TTC23L: variants seen among roughly 807,000 people sequenced by gnomAD.
The protein encoded by TTC23L is tetratricopeptide repeat domain 23 like, also known as tetratricopeptide repeat protein 23-like.
A neutral mutation model predicts 48.1 loss-of-function variants in TTC23L; 42 were observed. That is an observed-to-expected ratio of 0.87 (90% CI 0.68 to 1.13). The LOEUF (loss-of-function observed/expected upper bound fraction) is 1.13. TTC23L is among the 50% of genes most tolerant of loss of function. TTC23L has a pLI of 0.00. For synonymous variants in TTC23L, 159 were observed against 157.2 expected (o/e 1.01, Z -0.09); for missense variants, 391 against 421.0 (o/e 0.93, Z 0.62).
intron 6 of TTC23L, among the ~76,000 whole-genome samples, chr5:34,864,790 G>A (rs1290262208): frequency 6.6e-6 from 1 of 152,160 alleles, no homozygotes; most frequent in African/African-American, 2.4e-5. Flanking sequence ...AAAGGGGGGT[G>A]GTCAAGGAGA....
intron 1 of TTC23L, chr5:34,839,559 C>G (rs931962170): frequency 2.2e-6 from 2 of 891,452 alleles, no homozygotes; most frequent in African/African-American, 3.6e-5. Flanking sequence ...GATCAGAACT[C>G]TTTGCTGTGG....
the TTC23L span, chr5:34,915,345 C>T: frequency 4.2e-6 from 1 of 240,226 alleles, no homozygotes. Flanking sequence ...CCCAGACAAC[C>T]CCATTCACCA....
chr5:34,888,521 C>G (rs1234935576), intron 9 of TTC23L: 7 of 985,354 alleles, frequency 7.1e-6, no homozygotes, highest in Non-Finnish European at 8.4e-6. Flanking sequence ...AAAGAGCCTC[C>G]TTACCCTGTG....
intron 4 of TTC23L, among the ~76,000 whole-genome samples, chr5:34,858,308 T>G (rs921259115): frequency 6.6e-6 from 1 of 152,230 alleles, no homozygotes; most frequent in Admixed American, 6.5e-5. Context: ...AGAGAGTTTT[T>G]ACATGAAAGA....
the TTC23L span, chr5:34,914,488 G>T: frequency 3.4e-6 from 2 of 583,450 alleles, no homozygotes; most frequent in African/African-American, 1.9e-5. Flanking sequence ...GATGGGAAAA[G>T]AATTTGTTAC....
the TTC23L span, chr5:34,918,281 G>A: frequency 4.3e-6 from 3 of 695,206 alleles, no homozygotes; most frequent in East Asian, 5.8e-5. Flanking sequence ...CTTCAGCCTG[G>A]GCAACAGTGT....
At chr5:34,898,473 G>A (rs1284852411) in intron 10 of TTC23L, among the ~76,000 whole-genome samples, 5 of 152,120 alleles carry the variant, frequency 3.3e-5, no homozygotes, top group East Asian at 3.9e-4. Flanking sequence ...CTTGTGGTGC[G>A]ACAGAAGTAG....
At chr5:34,857,738 C>G (rs182584572) in intron 4 of TTC23L, among the ~76,000 whole-genome samples, 3 of 152,100 alleles carry the variant, frequency 2.0e-5, no homozygotes, top group Non-Finnish European at 4.4e-5. Flanking sequence ...CTTGCGACAA[C>G]TCTACAGGAT....
chr5:34,910,515 C>T, the TTC23L span, among the ~76,000 whole-genome samples: 1 of 151,972 alleles, frequency 6.6e-6, no homozygotes, highest in South Asian at 2.1e-4. Context: ...GCAACCTCCA[C>T]TTCCTGGGTT....
the TTC23L span, chr5:34,914,565 A>T: frequency 1.2e-6 from 1 of 806,692 alleles, no homozygotes; most frequent in Non-Finnish European, 1.9e-6. Context: ...TTTATTTATT[A>T]AGTTATTTAT....
At chr5:34,879,084 A>C (rs1762048027) in intron 8 of TTC23L, among the ~76,000 whole-genome samples, 1 of 152,254 alleles carries the variant, frequency 6.6e-6, no homozygotes, top group African/African-American at 2.4e-5. Context: ...TAAGTGAAAC[A>C]AGCCAGACAC....
Position 34,850,809 on chromosome 5 carries a change from A to AG in TTC23L, c.379+501_379+502insG, listed in dbSNP as rs1293045408. ...TAGAGAAATGGTACTTCTGGAAGGT[A>AG]CTCTAGTATAAGAGAATAAGACAAG... On this transcript the variant is annotated intron_variant, in intron 4 of 10. Transcript: ENST00000505624. 2.0e-5 allele frequency among the ~76,000 whole-genome samples: 3 copies of AG among 152,170 alleles called. No homozygotes were observed. The East Asian group carries it at 5.8e-4, about 29-fold the overall frequency.
intron 9 of TTC23L, among the ~76,000 whole-genome samples, chr5:34,895,275 C>T (rs1010124676): frequency 1.3e-5 from 2 of 152,114 alleles, no homozygotes; most frequent in Non-Finnish European, 2.9e-5. Context: ...TATCTTAAGC[C>T]CCACTTTTCT....
At chr5:34,848,021 C>A (rs79775362) in intron 3 of TTC23L, among the ~76,000 whole-genome samples, 1 of 152,228 alleles carries the variant, frequency 6.6e-6, no homozygotes, top group African/African-American at 2.4e-5. Context: ...CATTTGGACA[C>A]TATTTTTTTT....
chr5:34,917,692 A>G, the TTC23L span, among the ~76,000 whole-genome samples: 3 of 152,114 alleles, frequency 2.0e-5, no homozygotes, highest in Non-Finnish European at 4.4e-5. Context: ...AACCATATCT[A>G]TTGGAGGTGC....
At chr5:34,922,570 A>G in the TTC23L span, 12 of 1,609,484 alleles carry the variant, frequency 7.5e-6, no homozygotes, top group Non-Finnish European at 1.0e-5. Context: ...ACCATCTGCT[A>G]AATTCCTTGT....
At chr5:34,908,893 C>A in the TTC23L span, 4 of 1,612,362 alleles carry the variant, frequency 2.5e-6, no homozygotes, top group Non-Finnish European at 8.5e-7. Flanking sequence ...CGAATAGATA[C>A]CTTACAAGAT....
At chr5:34,897,870 GAT>G (rs1017146635) in intron 10 of TTC23L, among the ~76,000 whole-genome samples, 2 of 152,154 alleles carry the variant, frequency 1.3e-5, no homozygotes, top group African/African-American at 4.8e-5. Flanking sequence ...TATGAACTAT[GAT>G]TATCTCATCA....
rs1032893910 is a variant in TTC23L at position 34,863,331 on chromosome 5, T to C, written c.536+277T>C. Among the ~76,000 whole-genome samples the C allele has an allele frequency of 2.6e-5, 4 of 152,164 alleles. No individual in the cohort carries two copies. Among genetic ancestry groups the C allele is most frequent in the Admixed American group, 6.5e-5 (1 of 15,274 alleles). On this transcript the variant is annotated intron_variant, in intron 5 of 10. Transcript: ENST00000505624. The surrounding 1 kb of genome is among the most constrained non-coding windows in gnomAD (Gnocchi z 4.1). The stretch of plus-strand genomic sequence containing the variant: ...TTTTCTGAGTCTGTTCTGCTCTTCA[T>C]TGAGCACCCAAGAAAATCAGTGTTA...
Sources: allele counts gnomAD v4.1 joint callset (sites outside exome capture counted in the v4.1 genomes callset), GRCh38; gene constraint gnomAD v4.1.1; non-coding constraint Gnocchi (gnomAD v3.1); transcripts MANE v1.5; gene names NCBI Gene and HGNC (gene_info 2026-07-23, HGNC 2026-07-21).